The following TTYH2 variants were observed in gnomAD, a reference collection of about 807,000 sequenced individuals.
TTYH2 encodes the protein protein tweety homolog 2.
A neutral mutation model predicts 68.3 loss-of-function variants in TTYH2; 49 were observed. The ratio of observed to expected loss-of-function variants is 0.72; its 90% CI spans 0.57 to 0.91. The LOEUF is 0.91. TTYH2 is among the 40% of genes least tolerant of loss of function. TTYH2 has a pLI of 0.00. For synonymous variants in TTYH2, 272 were observed against 300.8 expected (o/e 0.90, Z 0.99); for missense variants, 631 against 700.4 (o/e 0.90, Z 1.12).
At chr17:74,249,210 C>G in intron 7 of TTYH2, 130 bp downstream of exon 7, 1 of 1,560,362 alleles carries the variant, frequency 6.4e-7, no homozygotes, top group African/African-American at 1.4e-5. Flanking sequence ...AGCTCATGCT[C>G]TAGGCCATTT....
At chr17:74,229,736 A>G (rs1460727926) in intron 2 of TTYH2, among the ~76,000 whole-genome samples, 1 of 152,242 alleles carries the variant, frequency 6.6e-6, no homozygotes, top group African/African-American at 2.4e-5. Context: ...TCTTAAATCC[A>G]TATTACTAAG....
intron 6 of TTYH2, among the ~76,000 whole-genome samples, chr17:74,247,224 C>G (rs1458895190): frequency 6.6e-6 from 1 of 150,510 alleles, no homozygotes; most frequent in Non-Finnish European, 1.5e-5. Flanking sequence ...GAGACTTATT[C>G]ATTATCAAAA....
Position 74,260,188 on chromosome 17 carries a change from CG to C in TTYH2, c.1587del (p.Asn530IlefsTer21). 1 of 1,613,956 alleles carries C rather than the reference CG, an allele frequency of 6.2e-7. No homozygotes were observed. The highest frequency in any genetic ancestry group is 1.3e-5 in the African/African-American group (1 of 75,028). ...TGGCGGATGAGCACCTGAGGCACTA[CG>C]GGAATCAGTTTCCAGCCTAACAGAC... is the stretch of plus-strand genomic sequence containing the variant. Reference protein sequence around the residue: ...SVADEHLRHYGNQFPA With the variant: ...SVADEHLRHYXNQFPA On this transcript the variant is annotated frameshift_variant, in exon 14 of 14. Transcript: ENST00000269346. LOFTEE classifies it high-confidence loss of function.
chr17:74,239,368 G>A lies in TTYH2; in HGVS notation c.635+1854G>A, dbSNP rs976884557. Among the ~76,000 whole-genome samples, 1 of 152,214 alleles carries A rather than the reference G, an allele frequency of 6.6e-6. No individual in the cohort carries two copies. Among genetic ancestry groups the A allele is most frequent in the Admixed American group, 6.5e-5 (1 of 15,282 alleles). On this transcript the variant is annotated intron_variant, in intron 4 of 13. Transcript: ENST00000269346. This position sits in a 1 kb window ranked among gnomAD's most constrained non-coding sequence, Gnocchi z 5.3. ...GGGGAGGGGAAGCATGAGTCAGGAG[G>A]AGCGAGTGTCAGTTCTTTGGATCCC...
chr17:74,250,192 G>A, intron 9 of TTYH2, 73 bp from the exon 10 acceptor site: 1 of 1,512,194 alleles, frequency 6.6e-7, no homozygotes, highest in South Asian at 1.2e-5. Context: ...CCTGAGCACA[G>A]CTGCTGTGGT....
intron 13 of TTYH2, among the ~76,000 whole-genome samples, chr17:74,259,621 G>A (rs78356705): frequency 0.011 from 1,701 of 152,278 alleles, 34 homozygotes; most frequent in African/African-American, 0.038. Flanking sequence ...AGCCCAGTTT[G>A]AGAGCAGCTG....
chr17:74,238,481 C>T (rs985537477), intron 4 of TTYH2, among the ~76,000 whole-genome samples: 7 of 152,020 alleles, frequency 4.6e-5, no homozygotes, highest in Admixed American at 3.9e-4. Context: ...TCATTGTAGC[C>T]TTGAACTCCT....
At chr17:74,234,134 G>A (rs1461858289) in intron 3 of TTYH2, among the ~76,000 whole-genome samples, 1 of 152,206 alleles carries the variant, frequency 6.6e-6, no homozygotes, top group Non-Finnish European at 1.5e-5. Context: ...CTGATTGCAG[G>A]GCCCTGCCCC....
intron 2 of TTYH2, among the ~76,000 whole-genome samples, chr17:74,223,581 C>G (rs1472242183): frequency 7.9e-5 from 12 of 152,236 alleles, no homozygotes; most frequent in Non-Finnish European, 1.5e-4. Flanking sequence ...ACCCAGCCCA[C>G]CACACTGCCT....
rs747954835 is a variant in TTYH2 at position 74,253,172 on chromosome 17, C to T, written c.1351C>T (p.His451Tyr). ...TCACAGTCCCCCGAGGGGACAGCTT[C>T]ACAGCTTCTGCAGCTACAGCAGTGG... ...AAHSPPRGQL[H>Y]SFCSYSSGLG... The change falls in exon 12 of 14, where the codon CAC (histidine) becomes TAC (tyrosine). Residue 451 changes from histidine to tyrosine, a missense_variant. Physicochemically the swap from His to Tyr is moderately conservative, Grantham distance 83. Transcript: ENST00000269346. The T allele has an allele frequency of 1.2e-5, 20 of 1,614,084 alleles. No homozygotes were observed. In the South Asian group the frequency reaches 2.2e-4, roughly 18 times the overall value.
At chr17:74,227,123 C>T (rs1267467141) in intron 2 of TTYH2, among the ~76,000 whole-genome samples, 1 of 152,092 alleles carries the variant, frequency 6.6e-6, no homozygotes, top group African/African-American at 2.4e-5. Flanking sequence ...TACAGGCACT[C>T]GCCACCATGC....
At chr17:74,228,789 C>A (rs935983062) in intron 2 of TTYH2, among the ~76,000 whole-genome samples, 4 of 152,180 alleles carry the variant, frequency 2.6e-5, no homozygotes, top group Non-Finnish European at 4.4e-5. Context: ...GCGCTCAGAG[C>A]TGATGAACAA....
intron 1 of TTYH2, among the ~76,000 whole-genome samples, chr17:74,219,569 G>T (rs141756927): frequency 6.6e-6 from 1 of 151,812 alleles, no homozygotes; most frequent in East Asian, 1.9e-4. Flanking sequence ...CTTGAAATCC[G>T]CACCCTCCCA....
In TTYH2 at chr17:74,222,713, G is replaced by A. The variant is rs931002411; in HGVS notation, c.302+56G>A. On this transcript the variant is annotated intron_variant, in intron 2 of 13. Transcript: ENST00000269346. The surrounding 1 kb of genome is among the most constrained non-coding windows in gnomAD (Gnocchi z 5.2). ...GTGTGACTCAGTCTGCAAGGGGCCA[G>A]GGACTGTTTGACCATGTTCTGACGG... The A allele has an allele frequency of 1.3e-6, 2 of 1,528,856 alleles. No individual in the cohort carries two copies. Among genetic ancestry groups the A allele is most frequent in the East Asian group, 4.7e-5 (2 of 42,548 alleles). The allele number at this position is 1,528,856 out of a possible 1,614,324, so 94.7% of individuals were successfully genotyped here. A position where few individuals can be genotyped will look rare whatever the true frequency, so the allele number is the denominator to read the frequency against.
chr17:74,238,083 G>A (rs1296807436), intron 4 of TTYH2, among the ~76,000 whole-genome samples: 1 of 152,246 alleles, frequency 6.6e-6, no homozygotes, highest in Non-Finnish European at 1.5e-5. Flanking sequence ...CCGCGCCAAA[G>A]GCTGGACCTG....
rs2050283171 is a variant in TTYH2, at chr17:74,222,298, C to T, written c.130-187C>T. 2.6e-5 allele frequency among the ~76,000 whole-genome samples: 4 copies of T among 152,220 alleles called. No individual in the cohort carries two copies. Among genetic ancestry groups the T allele is most frequent in the Admixed American group, 2.6e-4 (4 of 15,286 alleles). On this transcript the variant is annotated intron_variant, in intron 1 of 13. Transcript: ENST00000269346. This position sits in a 1 kb window ranked among gnomAD's most constrained non-coding sequence, Gnocchi z 5.2. ...TCATGCCCTGTAAGCTCCATCACTC[C>T]CACCCAAGTGCCTCAGCGCCGGGCC...
chr17:74,216,831 G>C (rs1432003472), intron 1 of TTYH2, among the ~76,000 whole-genome samples: 1 of 152,258 alleles, frequency 6.6e-6, no homozygotes, highest in Non-Finnish European at 1.5e-5. Flanking sequence ...TCTCACCTTT[G>C]ACAGATGAGG....
At chr17:74,244,855 A>AGT (rs58119512) in intron 6 of TTYH2, among the ~76,000 whole-genome samples, 7,165 of 149,872 alleles carry the variant, frequency 0.048, 194 homozygotes, top group East Asian at 0.06. Flanking sequence ...GTGGAGGTGC[A>AGT]GTGTGTGTGT....
Position 74,249,126 on chromosome 17 carries a change from G to A in TTYH2, c.874+46G>A, listed in dbSNP as rs369700906. On this transcript the variant is annotated intron_variant, in intron 7 of 13. Coordinates refer to ENST00000269346, the MANE Select transcript of TTYH2 (RefSeq NM_032646.6). ...TGCTGCTGTGGATGCATAGGTGGCC[G>A]GACTCTGTGCCCCTACTTACCTCTT... is the stretch of plus-strand genomic sequence containing the variant. 4.3e-5 allele frequency: 69 copies of A among 1,611,054 alleles called. No individual in the cohort carries two copies. In the African/African-American group the frequency reaches 4.7e-4, roughly 11 times the overall value.
Sources: gnomAD v4.1 joint callset for allele counts (sites outside exome capture counted in the v4.1 genomes callset) on GRCh38, gnomAD v4.1.1 for gene constraint, Gnocchi (gnomAD v3.1) non-coding constraint, MANE v1.5 for transcripts, NCBI Gene and HGNC (gene_info 2026-07-23, HGNC 2026-07-21) for gene names.